DOK6: variants seen among roughly 807,000 people sequenced by gnomAD.
DOK6 encodes docking protein 6.
In DOK6, 22 loss-of-function variants were observed where a neutral mutation model predicts 44.0. The ratio of observed to expected loss-of-function variants is 0.50; its 90% CI spans 0.36 to 0.71. The LOEUF (loss-of-function observed/expected upper bound fraction) is 0.71, where lower values mean the gene tolerates loss of function less well. Among genes scored for constraint, DOK6 ranks in the 30% least tolerant of loss-of-function variants. DOK6 has a pLI of 0.00. For missense variants in DOK6, 340 were observed against 416.4 expected (o/e 0.82, Z 1.60); for synonymous variants, 166 against 145.5 (o/e 1.14, Z -1.01).
intron 3 of DOK6, among the ~76,000 whole-genome samples, chr18:69,604,603 A>C (rs1983951852): frequency 6.6e-6 from 1 of 152,186 alleles, no homozygotes; most frequent in Non-Finnish European, 1.5e-5. Flanking sequence ...TAGTAGTTAA[A>C]GTGTTTGAGA....
At chr18:69,465,392 G>A (rs1025771992) in intron 1 of DOK6, among the ~76,000 whole-genome samples, 3 of 151,680 alleles carry the variant, frequency 2.0e-5, no homozygotes, top group African/African-American at 7.3e-5. Context: ...TGCCATGCTG[G>A]TGTGCTGCAC....
chr18:69,439,222 C>A (rs1411709247), intron 1 of DOK6, among the ~76,000 whole-genome samples: 2 of 152,186 alleles, frequency 1.3e-5, no homozygotes, highest in African/African-American at 2.4e-5. Flanking sequence ...GTAAACCATG[C>A]TGTAAACAGA....
At chr18:69,516,720 G>T (rs1415392406) in intron 1 of DOK6, among the ~76,000 whole-genome samples, 1 of 151,368 alleles carries the variant, frequency 6.6e-6, no homozygotes, top group Non-Finnish European at 1.5e-5. Flanking sequence ...CTGTCTCTCA[G>T]GCTGGAGTGC....
rs553680808 is a variant in DOK6, at chr18:69,554,305, A to G, written c.67-10182A>G. 2.3e-4 allele frequency among the ~76,000 whole-genome samples: 35 copies of G among 152,260 alleles called. No individual in the cohort carries two copies. In the Middle Eastern group the frequency reaches 0.01, roughly 44 times the overall value. On this transcript the variant is annotated intron_variant, in intron 1 of 7. Coordinates refer to ENST00000382713, the MANE Select transcript of DOK6 (RefSeq NM_152721.6). Reference sequence around the variant, plus strand: ...CACACCAGGACCTCCCACTAAATGAACCACTGTGCTGATTACGATGGAAGC... The same window carrying G: ...CACACCAGGACCTCCCACTAAATGAGCCACTGTGCTGATTACGATGGAAGC...
At chr18:69,461,627 C>T (rs12964167) in intron 1 of DOK6, among the ~76,000 whole-genome samples, 4,405 of 152,158 alleles carry the variant, frequency 0.029, 96 homozygotes, top group Non-Finnish European at 0.042. Flanking sequence ...TTTATCTCAC[C>T]CCACTTTTAT....
intron 5 of DOK6, among the ~76,000 whole-genome samples, chr18:69,708,340 C>T (rs7228962): frequency 6.6e-6 from 1 of 151,964 alleles, no homozygotes; most frequent in Non-Finnish European, 1.5e-5. Context: ...CAGACCGCTC[C>T]GACTCCGCTT....
intron 3 of DOK6, among the ~76,000 whole-genome samples, chr18:69,650,226 G>A (rs1985188234): frequency 1.3e-5 from 2 of 152,136 alleles, no homozygotes; most frequent in South Asian, 4.1e-4. Context: ...TTGATTTTAT[G>A]TATTTGTGAA....
At chr18:69,406,100 A>G (rs1377491070) in intron 1 of DOK6, among the ~76,000 whole-genome samples, 1 of 152,230 alleles carries the variant, frequency 6.6e-6, no homozygotes, top group Non-Finnish European at 1.5e-5. Flanking sequence ...GGTGACAATT[A>G]TGCATATTCC....
At chr18:69,424,373 G>C (rs1978578513) in intron 1 of DOK6, among the ~76,000 whole-genome samples, 1 of 152,088 alleles carries the variant, frequency 6.6e-6, no homozygotes, top group Non-Finnish European at 1.5e-5. Context: ...CTTTGAACAT[G>C]TTTTCATATG....
At chr18:69,812,791 C>CT (rs891176859) in intron 7 of DOK6, among the ~76,000 whole-genome samples, 16 of 152,068 alleles carry the variant, frequency 1.1e-4, no homozygotes, top group African/African-American at 3.9e-4. Flanking sequence ...ATCAAGGCAC[C>CT]TTCTTCACAA....
At chr18:69,758,710 T>G (rs969618103) in intron 7 of DOK6, among the ~76,000 whole-genome samples, 7 of 152,318 alleles carry the variant, frequency 4.6e-5, no homozygotes, top group African/African-American at 1.7e-4. Context: ...CAAACATTTA[T>G]TGAGCACCAT....
chr18:69,420,634 C>T (rs541477068), intron 1 of DOK6, among the ~76,000 whole-genome samples: 2 of 152,214 alleles, frequency 1.3e-5, no homozygotes, highest in Admixed American at 6.5e-5. Context: ...AATGCTATCC[C>T]TCATTTTATA....
chr18:69,740,514 A>G (rs946661221), intron 6 of DOK6, among the ~76,000 whole-genome samples: 2 of 152,178 alleles, frequency 1.3e-5, no homozygotes, highest in South Asian at 4.1e-4. Flanking sequence ...GCAAAAGCTC[A>G]TAGAGTGATT....
At chr18:69,770,109 A>G (rs1356510635) in intron 7 of DOK6, among the ~76,000 whole-genome samples, 3 of 152,200 alleles carry the variant, frequency 2.0e-5, no homozygotes, top group Non-Finnish European at 2.9e-5. Flanking sequence ...TGGCGTTTTT[A>G]TAAATGGAGA....
intron 1 of DOK6, among the ~76,000 whole-genome samples, chr18:69,527,130 T>C (rs1162505691): frequency 4.6e-5 from 7 of 152,228 alleles, no homozygotes; most frequent in African/African-American, 1.7e-4. Context: ...TCAGCACATA[T>C]GCATTGTTAC....
intron 2 of DOK6, among the ~76,000 whole-genome samples, chr18:69,597,086 AAT>A (rs1983759091): frequency 6.6e-6 from 1 of 151,992 alleles, no homozygotes; most frequent in Non-Finnish European, 1.5e-5. Context: ...TAAAATTATA[AAT>A]ATGATGTAAT....
chr18:69,498,202 T>C (rs1430115319), intron 1 of DOK6, among the ~76,000 whole-genome samples: 1 of 152,206 alleles, frequency 6.6e-6, no homozygotes, highest in African/African-American at 2.4e-5. Context: ...AACTTAATTA[T>C]TTGATTTCAT....
intron 2 of DOK6, among the ~76,000 whole-genome samples, chr18:69,566,510 A>G (rs1047896492): frequency 6.6e-6 from 1 of 151,772 alleles, no homozygotes. Flanking sequence ...GGACTCAGCT[A>G]TCTTTTATCT....
chr18:69,466,480 T>C (rs1008923951), intron 1 of DOK6, among the ~76,000 whole-genome samples: 1 of 152,264 alleles, frequency 6.6e-6, no homozygotes, highest in South Asian at 2.1e-4. Flanking sequence ...CATATGAGAG[T>C]GCAGAGTTAT....
Sources: allele counts gnomAD v4.1 joint callset (sites outside exome capture counted in the v4.1 genomes callset), GRCh38; gene constraint gnomAD v4.1.1; transcripts MANE v1.5; gene names NCBI Gene and HGNC (gene_info 2026-07-23, HGNC 2026-07-21).